Variants in SOX30 observed in about 807,000 individuals in gnomAD.
SOX30 encodes SRY-box transcription factor 30, also known as transcription factor SOX-30.
In SOX30, 17 loss-of-function variants were observed where a neutral mutation model predicts 58.6. That is an observed-to-expected ratio of 0.29 (90% CI 0.20 to 0.44). The LOEUF is 0.44. Ranked by LOEUF, SOX30 falls within the 20% of genes least tolerant of loss-of-function variation. The pLI is 1.00. For missense variants in SOX30, 951 were observed against 965.8 expected (o/e 0.98, Z 0.20); for synonymous variants, 421 against 400.2 (o/e 1.05, Z -0.62).
rs906642350 is a variant in SOX30, at chr5:157,635,840, A to G, written c.1880+2390T>C. ...ACTATGTGAGGTTTTTATTCAAAATATATTTTTTCCATATGATTCTCTGCT... is the reference window on the plus strand; with the variant it reads ...ACTATGTGAGGTTTTTATTCAAAATGTATTTTTTCCATATGATTCTCTGCT... On this transcript the variant is annotated intron_variant, in intron 4 of 4. Coordinates refer to ENST00000265007, the MANE Select transcript of SOX30 (RefSeq NM_178424.2). Among the ~76,000 whole-genome samples, 8 of 152,310 alleles carry G rather than the reference A, an allele frequency of 5.3e-5. No individual in the cohort carries two copies. In the South Asian group the frequency reaches 1.2e-3, roughly 24 times the overall value.
Position 157,651,349 on chromosome 5 carries a change from A to C in SOX30, c.730T>G (p.Leu244Val), listed in dbSNP as rs1315449134. Reference sequence around the variant, plus strand: ...CCAAAGGCACCGGACGTTGGGGCCAAGATGACCTCCGCGCTGCCATGAACC... The same window carrying C: ...CCAAAGGCACCGGACGTTGGGGCCACGATGACCTCCGCGCTGCCATGAACC... ...GLVHGSAEVI[L>V]APTSGAFGPH... The change falls in exon 1 of 5, where the codon TTG becomes GTG. Residue 244 changes from leucine to valine, a missense_variant. Physicochemically the swap from Leu to Val is conservative, Grantham distance 32. Transcript: ENST00000265007. 1 of 1,613,912 alleles carries C rather than the reference A, an allele frequency of 6.2e-7. No homozygotes were observed. The highest frequency in any genetic ancestry group is 8.5e-7 in the Non-Finnish European group (1 of 1,180,036).
rs13181859 is a variant in SOX30 at position 157,651,624 on chromosome 5, G to A, written c.455C>T (p.Pro152Leu). 5,637 of 1,612,766 alleles carry A rather than the reference G, an allele frequency of 3.5e-3. 25 individuals carry two copies. Among genetic ancestry groups the A allele is most frequent in the Middle Eastern group, 0.017 (103 of 6,056 alleles). Residue 152 changes from proline to leucine, a missense_variant, in exon 1 of 5, where the codon CCT (proline) becomes CTT (leucine). Around this residue, in one of 7 missense-constraint regions of SOX30, gnomAD observed 363 missense variants for 294.5 expected, o/e 1.23. Coordinates refer to ENST00000265007, the MANE Select transcript of SOX30 (RefSeq NM_178424.2). The part of the protein sequence containing the change: ...LGPSLDQSVG[P>L]RGAVETGPRA... ...AGGACCGGTTTCGACGGCCCCTCGA[G>A]GCCCCACTGACTGATCCAGGCTGGG...
chr5:157,652,419 C>G lies in SOX30; in HGVS notation c.-341G>C. ...GCCGTTGTCTTTAGTCATCCCTCCC[C>G]CACCCGGAGCTGCGACAATGGCGTT... On this transcript the variant is annotated 5_prime_UTR_variant, in exon 1 of 5. Transcript: ENST00000265007. 1 of 1,044,884 alleles carries G rather than the reference C, an allele frequency of 9.6e-7. No homozygotes were observed. The highest frequency in any genetic ancestry group is 4.6e-5 in the South Asian group (1 of 21,840). The allele number at this position is 1,044,884 out of a possible 1,614,324, so 64.7% of individuals were successfully genotyped here.
chr5:157,630,232 T>C (rs1028296276), intron 4 of SOX30, among the ~76,000 whole-genome samples: 3 of 152,192 alleles, frequency 2.0e-5, no homozygotes, highest in African/African-American at 7.2e-5. Context: ...TGGTTTCCTT[T>C]AGTTCCTTGA....
At chr5:157,650,984 G>C in intron 1 of SOX30, 128 bp downstream of exon 1, 1 of 693,482 alleles carries the variant, frequency 1.4e-6, no homozygotes, top group South Asian at 2.0e-5. Flanking sequence ...TACCTGTGCA[G>C]ACTCTGCCCT....
Position 157,638,491 on chromosome 5 carries a change from A to G in SOX30, c.1619T>C (p.Leu540Pro), listed in dbSNP as rs142979427. ...ACTTGAAATCCTGTTGGCGCTCTCT[A>G]GAGAGACAGGAGTGGGTTGCTTCAC... ...HTVKQPTPVS[L>P]ESANRISSSA... Residue 540 changes from leucine to proline, a missense_variant, in exon 4 of 5, where the codon CTA becomes CCA. Physicochemically the swap from Leu to Pro is moderately conservative, Grantham distance 98. Transcript: ENST00000265007. The G allele has an allele frequency of 7.4e-4, 1,194 of 1,614,194 alleles. 6 individuals carry two copies. In the African/African-American group the frequency reaches 0.014, roughly 19 times the overall value.
At chr5:157,647,304 G>A (rs779932035) in intron 2 of SOX30, among the ~76,000 whole-genome samples, 9 of 151,738 alleles carry the variant, frequency 5.9e-5, no homozygotes, top group African/African-American at 1.7e-4. Context: ...CTCGTGATCC[G>A]CCCGTCTCGG....
intron 2 of SOX30, among the ~76,000 whole-genome samples, chr5:157,661,132 T>A (rs993827533): frequency 2.0e-5 from 3 of 152,352 alleles, no homozygotes. Context: ...TTTATTTTCT[T>A]ACCTTATTGC....
chr5:157,665,538 T>C (rs1759653274), intron 2 of SOX30, among the ~76,000 whole-genome samples: 1 of 151,762 alleles, frequency 6.6e-6, no homozygotes, highest in East Asian at 1.9e-4. Flanking sequence ...ACATGGCACA[T>C]GTATACATAT....
At chr5:157,668,835 T>TGGGTGACTGAGCCTGGGAGTAGGA (rs1303739905) in intron 1 of SOX30, among the ~76,000 whole-genome samples, 59 of 152,136 alleles carry the variant, frequency 3.9e-4, no homozygotes, top group South Asian at 2.5e-3. Flanking sequence ...ATTTCATCGA[T>TGGGTGACTGAGCCTGGGAGTAGGA]GGGTGACTGA....
intron 2 of SOX30, 26 bp downstream of exon 2, chr5:157,648,631 T>A (rs779138554): frequency 1.7e-5 from 27 of 1,600,782 alleles, no homozygotes; most frequent in Middle Eastern, 3.3e-4. Flanking sequence ...TTAAAAGAAG[T>A]AAGAGGCATT....
chr5:157,659,608 A>G (rs1432467152), intron 2 of SOX30, among the ~76,000 whole-genome samples: 2 of 152,188 alleles, frequency 1.3e-5, no homozygotes, highest in South Asian at 4.1e-4. Context: ...GGCAAGCCTT[A>G]ATCAATTTAG....
intron 4 of SOX30, among the ~76,000 whole-genome samples, chr5:157,628,639 GCTT>G (rs1465326912): frequency 6.8e-6 from 1 of 147,960 alleles, no homozygotes; most frequent in Non-Finnish European, 1.5e-5. Flanking sequence ...AATACACTGT[GCTT>G]CTTTTTTTTT....
At chr5:157,628,643 CT>C (rs35972610) in intron 4 of SOX30, among the ~76,000 whole-genome samples, 6,518 of 137,528 alleles carry the variant, frequency 0.047, 146 homozygotes, top group South Asian at 0.099. Flanking sequence ...CACTGTGCTT[CT>C]TTTTTTTTTT....
chr5:157,666,334 T>C (rs1293318546), intron 2 of SOX30, among the ~76,000 whole-genome samples: 2 of 151,780 alleles, frequency 1.3e-5, no homozygotes, highest in Non-Finnish European at 2.9e-5. Flanking sequence ...CTAATTTTTG[T>C]ATTTTTGTAG....
At chr5:157,626,948 C>G (rs1758671447) in intron 4 of SOX30, among the ~76,000 whole-genome samples, 1 of 152,198 alleles carries the variant, frequency 6.6e-6, no homozygotes, top group Admixed American at 6.5e-5. Context: ...CTATCGTTAG[C>G]CTCAGGCTTC....
At chr5:157,640,618 G>A (rs1481402381) in intron 3 of SOX30, among the ~76,000 whole-genome samples, 1 of 152,088 alleles carries the variant, frequency 6.6e-6, no homozygotes, top group Non-Finnish European at 1.5e-5. Context: ...TCTTACTCAA[G>A]GGAATTAACT....
intron 4 of SOX30, among the ~76,000 whole-genome samples, chr5:157,630,725 C>A (rs1758768846): frequency 6.6e-6 from 1 of 150,952 alleles, no homozygotes; most frequent in Non-Finnish European, 1.5e-5. Flanking sequence ...CCTGCTTATA[C>A]AGAGCCTACA....
chr5:157,627,790 C>A (rs960916982), intron 4 of SOX30, among the ~76,000 whole-genome samples: 1 of 152,020 alleles, frequency 6.6e-6, no homozygotes, highest in Non-Finnish European at 1.5e-5. Context: ...GTCAGGAGAT[C>A]GAGACCATCC....
Sources: gnomAD v4.1 joint callset for allele counts (sites outside exome capture counted in the v4.1 genomes callset) on GRCh38, gnomAD v4.1.1 for gene constraint, gnomAD v4.1.1 regional missense constraint, MANE v1.5 for transcripts, NCBI Gene and HGNC (gene_info 2026-07-23, HGNC 2026-07-21) for gene names.